DISC1: variants seen among roughly 807,000 people sequenced by gnomAD.
DISC1 encodes disrupted in schizophrenia 1 protein.
A neutral mutation model predicts 84.5 loss-of-function variants in DISC1; 57 were observed. The ratio of observed to expected loss-of-function variants is 0.67; its 90% CI spans 0.55 to 0.84. The LOEUF is 0.84. Among genes scored for constraint, DISC1 ranks in the 40% least tolerant of loss-of-function variants. The probability of loss-of-function intolerance (pLI) is 0.00; values close to 1 mark genes in which losing one functional copy is unlikely to be tolerated. For synonymous variants in DISC1, 411 were observed against 415.2 expected, an observed-to-expected ratio of 0.99 and a Z score of 0.12; for missense variants, 1,000 against 1,057.8, an observed-to-expected ratio of 0.95 and a Z score of 0.76.
At chr1:231,722,404 A>C in intron 3 of DISC1, 1 of 1,415,408 alleles carries the variant, frequency 7.1e-7, no homozygotes, top group Non-Finnish European at 9.7e-7. Context: ...TCTATGAAAT[A>C]GATCTTTCTA....
chr1:231,923,822 G>C (rs1310476841), intron 9 of DISC1, among the ~76,000 whole-genome samples: 1 of 152,204 alleles, frequency 6.6e-6, no homozygotes, highest in African/African-American at 2.4e-5. Context: ...GCATAGAATG[G>C]TGCCAACTGG....
At chr1:231,966,654 T>A (rs1042507494) in intron 10 of DISC1, among the ~76,000 whole-genome samples, 1 of 152,272 alleles carries the variant, frequency 6.6e-6, no homozygotes. Context: ...ATTTCTCTTC[T>A]TTCTAGAATC....
At chr1:231,759,543 A>AC (rs1213186652) in intron 4 of DISC1, among the ~76,000 whole-genome samples, 15 of 149,898 alleles carry the variant, frequency 1.0e-4, no homozygotes, top group Non-Finnish European at 1.6e-4. Context: ...AAAAAAAAAA[A>AC]AAAAAAAACA....
At chr1:231,861,063 G>A (rs1204109076) in intron 9 of DISC1, among the ~76,000 whole-genome samples, 3 of 152,160 alleles carry the variant, frequency 2.0e-5, no homozygotes, top group Non-Finnish European at 4.4e-5. Context: ...CTTCAACTTA[G>A]TTTTGTTCTG....
Position 231,653,263 on chromosome 1 carries a change from C to A in DISC1, c.67+26329C>A, listed in dbSNP as rs541657430. Among the ~76,000 whole-genome samples, 4 of 152,284 alleles carry A rather than the reference C, an allele frequency of 2.6e-5. No homozygotes were observed. The East Asian group carries it at 7.7e-4, about 29-fold the overall frequency. ...CTTAACACCTCAGAAGTTTATTTCT[C>A]CTTATGTAAAGTTTAGGTTCTCTCC... is the stretch of plus-strand genomic sequence containing the variant. On this transcript the variant is annotated intron_variant, in intron 1 of 12. Coordinates refer to ENST00000439617, the MANE Select transcript of DISC1 (RefSeq NM_018662.3).
In DISC1 at chr1:232,008,962, T is replaced by C; in HGVS notation, c.2220T>C (p.Asp740=). ...PPIPPRLHSE[D]KRKTPLKVLE... is the part of the protein sequence containing the mutation. ...TTCCCCCCAGGCTCCACTCCGAGGA[T>C]AAAAGGAAGACCCCTTTGAAGGTAT... Residue 740 remains aspartate, a synonymous_variant, in exon 11 of 13, where the codon GAT becomes GAC. Transcript: ENST00000439617. 1 of 1,613,888 alleles carries C rather than the reference T, an allele frequency of 6.2e-7. No homozygotes were observed. The highest frequency in any genetic ancestry group is 8.5e-7 in the Non-Finnish European group (1 of 1,179,844).
chr1:231,868,944 G>A lies in DISC1; in HGVS notation c.1981+50427G>A, dbSNP rs12067465. The stretch of plus-strand genomic sequence containing the variant: ...TATACATTTTTGAGAGGAGCAATGG[G>A]GAAATGCAATCATGGGGTAATAATA... On this transcript the variant is annotated intron_variant, in intron 9 of 12. Coordinates refer to ENST00000439617, the MANE Select transcript of DISC1 (RefSeq NM_018662.3). 9.1e-3 allele frequency among the ~76,000 whole-genome samples: 1,364 copies of A among 150,520 alleles called. 25 individuals are homozygous for A. The highest frequency in any genetic ancestry group is 0.032 in the African/African-American group (1,294 of 41,076).
chr1:232,011,999 A>G (rs184547386), intron 11 of DISC1, among the ~76,000 whole-genome samples: 72 of 152,298 alleles, frequency 4.7e-4, no homozygotes, highest in Middle Eastern at 3.4e-3. Flanking sequence ...AATGAAAACT[A>G]TCTCATGAAG....
intron 1 of DISC1, among the ~76,000 whole-genome samples, chr1:231,688,185 C>G (rs1397691984): frequency 6.6e-6 from 1 of 152,114 alleles, no homozygotes; most frequent in African/African-American, 2.4e-5. Context: ...AGAACCTTCT[C>G]TTTGTTCCTT....
chr1:231,862,625 C>G lies in DISC1; in HGVS notation c.1981+44108C>G, dbSNP rs183695784. Among the ~76,000 whole-genome samples, 41 of 152,270 alleles carry G rather than the reference C, an allele frequency of 2.7e-4. No individual in the cohort carries two copies. The East Asian group carries it at 7.7e-3, about 29-fold the overall frequency. On this transcript the variant is annotated intron_variant, in intron 9 of 12. Coordinates refer to ENST00000439617, the MANE Select transcript of DISC1 (RefSeq NM_018662.3). Reference sequence around the variant, plus strand: ...GTTATAGAATCAGAACTAGAAAGACCTCTTCATTCTTCACTTAGAGAGGAT... The same window carrying G: ...GTTATAGAATCAGAACTAGAAAGACGTCTTCATTCTTCACTTAGAGAGGAT...
At chr1:231,670,255 A>G (rs1295455217) in intron 1 of DISC1, among the ~76,000 whole-genome samples, 1 of 152,170 alleles carries the variant, frequency 6.6e-6, no homozygotes, top group African/African-American at 2.4e-5. Context: ...AAAATAACTA[A>G]TGGGTACTAG....
intron 1 of DISC1, 50 bp from the exon 2 acceptor site, chr1:231,693,776 G>A: frequency 5.0e-6 from 8 of 1,610,884 alleles, no homozygotes; most frequent in Non-Finnish European, 6.8e-6. Flanking sequence ...GTTCCAGCTG[G>A]GCCAGTAAGA....
At chr1:231,857,437 G>A (rs2084348861) in intron 9 of DISC1, among the ~76,000 whole-genome samples, 1 of 152,170 alleles carries the variant, frequency 6.6e-6, no homozygotes, top group African/African-American at 2.4e-5. Flanking sequence ...CACTCCAGGT[G>A]TGTGAAGACG....
At chr1:231,778,798 A>T (rs199633416) in intron 6 of DISC1, among the ~76,000 whole-genome samples, 1 of 152,174 alleles carries the variant, frequency 6.6e-6, no homozygotes, top group Non-Finnish European at 1.5e-5. Context: ...TCCAGTTTTC[A>T]TTGCGTTGTA....
intron 9 of DISC1, among the ~76,000 whole-genome samples, chr1:231,841,096 T>G (rs886122202): frequency 3.9e-5 from 6 of 152,136 alleles, no homozygotes; most frequent in African/African-American, 1.2e-4. Context: ...GACATGATGC[T>G]CAAAGGAAAA....
At position 231,795,299 on chromosome 1, in the gene DISC1, A is replaced by G; in HGVS notation, c.1689+3A>G. 6.2e-7 allele frequency: 1 copy of G among 1,611,754 alleles called. No homozygotes were observed. Among genetic ancestry groups the G allele is most frequent in the Non-Finnish European group, 8.5e-7 (1 of 1,178,032 alleles). ...CACTTAAAGAAATCACTACTAAGGT[A>G]AGTACCTTTATATTCCCATTTTCCA... is the stretch of plus-strand genomic sequence containing the variant. On this transcript the variant is annotated splice_donor_region_variant and intron_variant, in intron 7 of 12. Coordinates refer to ENST00000439617, the MANE Select transcript of DISC1 (RefSeq NM_018662.3).
At chr1:231,649,305 T>G (rs2060414739) in intron 1 of DISC1, among the ~76,000 whole-genome samples, 1 of 152,220 alleles carries the variant, frequency 6.6e-6, no homozygotes, top group South Asian at 2.1e-4. Flanking sequence ...TGCCTTCATT[T>G]TGTTATTTAC....
intron 9 of DISC1, among the ~76,000 whole-genome samples, chr1:231,831,532 G>A (rs373015348): frequency 0.073 from 8,342 of 114,712 alleles, no homozygotes; most frequent in Admixed American, 0.12. Flanking sequence ...AGAAGTTGGA[G>A]AGCTAGCTGC....
chr1:231,962,834 A>T lies in DISC1; in HGVS notation c.2042+3946A>T, dbSNP rs199691749. Among the ~76,000 whole-genome samples the T allele has an allele frequency of 6.8e-4, 103 of 152,046 alleles. 1 individual carries two copies. The highest frequency in any genetic ancestry group is 9.4e-4 in the Non-Finnish European group (64 of 67,966). ...CAGCCCAATGCACGGCCCACCACCC[A>T]CCTGGCTGCCTGGGTGGGCGGGCAC... On this transcript the variant is annotated intron_variant, in intron 10 of 12. Transcript: ENST00000439617.
Sources: gnomAD v4.1 joint callset for allele counts (sites outside exome capture counted in the v4.1 genomes callset) on GRCh38, gnomAD v4.1.1 for gene constraint, MANE v1.5 for transcripts, NCBI Gene and HGNC (gene_info 2026-07-23, HGNC 2026-07-21) for gene names.